SLC25A17: variants seen among roughly 807,000 people sequenced by gnomAD.
The protein encoded by SLC25A17 is solute carrier family 25 member 17.
In SLC25A17, 26 loss-of-function variants were observed where a neutral mutation model predicts 38.5. That is an observed-to-expected ratio of 0.68 (90% confidence interval 0.50 to 0.94). SLC25A17 has a LOEUF of 0.94. Among genes scored for constraint, SLC25A17 ranks in the 40% least tolerant of loss-of-function variants. The pLI is 0.00. For synonymous variants in SLC25A17, 139 were observed against 136.2 expected (o/e 1.02, Z -0.14); for missense variants, 333 against 372.7 (o/e 0.89, Z 0.88).
intron 1 of SLC25A17, among the ~76,000 whole-genome samples, chr22:40,804,435 C>G (rs1392959599): frequency 2.0e-5 from 3 of 152,098 alleles, no homozygotes; most frequent in Non-Finnish European, 4.4e-5. Context: ...GTGATTCTGA[C>G]TGGCATTTCT....
chr22:40,795,419 A>G (rs1368483854), intron 2 of SLC25A17, among the ~76,000 whole-genome samples: 1 of 151,694 alleles, frequency 6.6e-6, no homozygotes, highest in African/African-American at 2.4e-5. Flanking sequence ...CAACCACCGG[A>G]GTAGCTGGGA....
chr22:40,802,340 C>T (rs12158806), intron 1 of SLC25A17, among the ~76,000 whole-genome samples: 6 of 152,066 alleles, frequency 3.9e-5, no homozygotes, highest in African/African-American at 1.4e-4. Flanking sequence ...ACCTCAAGAA[C>T]TGGCATATGA....
rs966320465 is a variant in SLC25A17 at position 40,819,218 on chromosome 22, C to G, written c.31G>C (p.Val11Leu). 5.6e-6 allele frequency: 9 copies of G among 1,613,696 alleles called. No homozygotes were observed. The highest frequency in any genetic ancestry group is 7.6e-6 in the Non-Finnish European group (9 of 1,180,026). ...ACCACGGCTCCGGCCACGGCGTGGACCAGGCTTTCGTAGGACAGCACGGAA... is the reference window on the plus strand; with the variant it reads ...ACCACGGCTCCGGCCACGGCGTGGAGCAGGCTTTCGTAGGACAGCACGGAA... MASVLSYESLVHAVAGAVGSV... is the reference protein window; with the variant it reads MASVLSYESLLHAVAGAVGSV... The change falls in exon 1 of 9, where the codon GTC becomes CTC. Residue 11 changes from valine (V) to leucine (L), a missense_variant. Val to Leu is a conservative substitution (Grantham distance 32). Transcript: ENST00000435456.
Position 40,799,092 on chromosome 22 carries a change from T to G in SLC25A17, c.55-9A>C. On this transcript the variant is annotated splice_polypyrimidine_tract_variant and intron_variant, in intron 1 of 8. Transcript: ENST00000435456. The stretch of plus-strand genomic sequence containing the variant: ...ATTGCTGTCACGCTTCCCTGAAAAG[T>G]TTGAAAAAGGCCATTACAGCATCAC... 1 of 1,612,236 alleles carries G rather than the reference T, an allele frequency of 6.2e-7. No individual in the cohort carries two copies. The highest frequency in any genetic ancestry group is 8.5e-7 in the Non-Finnish European group (1 of 1,178,680).
intron 2 of SLC25A17, chr22:40,797,207 C>T: frequency 1.5e-6 from 1 of 676,712 alleles, no homozygotes; most frequent in South Asian, 1.5e-5. Context: ...ATTATTTATC[C>T]AAAAACTATA....
At chr22:40,814,527 T>G (rs901783764) in intron 1 of SLC25A17, among the ~76,000 whole-genome samples, 5 of 123,040 alleles carry the variant, frequency 4.1e-5, no homozygotes, top group African/African-American at 1.4e-4. Flanking sequence ...GAATGAGAAG[T>G]ACTAATAAAA....
At chr22:40,800,979 C>G (rs903547358) in intron 1 of SLC25A17, among the ~76,000 whole-genome samples, 3 of 150,622 alleles carry the variant, frequency 2.0e-5, no homozygotes, top group Non-Finnish European at 4.4e-5. Context: ...TGGCACATGC[C>G]TGTAATCCCA....
Position 40,792,694 on chromosome 22 carries a change from TAAGCA to T in SLC25A17, c.183-23_183-19del. 6.2e-7 allele frequency: 1 copy of T among 1,612,998 alleles called. No individual in the cohort carries two copies. The highest frequency in any genetic ancestry group is 8.5e-7 in the Non-Finnish European group (1 of 1,179,562). On this transcript the variant is annotated intron_variant, in intron 3 of 8. Transcript: ENST00000435456. ...GTGCCAGGCTAGGGGAAAAACACAATAAGCAAAGTAAAGGTCATGGACAAATTAGA... is the reference window on the plus strand; with the variant it reads ...GTGCCAGGCTAGGGGAAAAACACAATAAGTAAAGGTCATGGACAAATTAGA...
At chr22:40,784,579 C>A (rs1238318725) in intron 4 of SLC25A17, 2 of 263,044 alleles carry the variant, frequency 7.6e-6, no homozygotes, top group South Asian at 3.5e-5. Context: ...TTGAAACCAG[C>A]CTGGGCAACA....
At chr22:40,805,106 C>T (rs2057518366) in intron 1 of SLC25A17, among the ~76,000 whole-genome samples, 1 of 152,212 alleles carries the variant, frequency 6.6e-6, no homozygotes, top group Non-Finnish European at 1.5e-5. Flanking sequence ...GAGGCCAAGG[C>T]AGTAGATCAC....
intron 8 of SLC25A17, among the ~76,000 whole-genome samples, chr22:40,772,572 G>A (rs2057195121): frequency 6.6e-6 from 1 of 151,942 alleles, no homozygotes; most frequent in Admixed American, 6.6e-5. Flanking sequence ...TAAAGTGCTG[G>A]GATTATAGGT....
At chr22:40,803,825 T>TG (rs2057505197) in intron 1 of SLC25A17, among the ~76,000 whole-genome samples, 1 of 151,868 alleles carries the variant, frequency 6.6e-6, no homozygotes, top group Admixed American at 6.6e-5. Flanking sequence ...TTTTTGTTTT[T>TG]TTTTTTTTTT....
intron 2 of SLC25A17, 112 bp downstream of exon 2, chr22:40,798,911 C>G: frequency 1.4e-6 from 1 of 709,728 alleles, no homozygotes; most frequent in East Asian, 3.0e-5. Context: ...CCATCGCACT[C>G]CAGCCTGGGC....
intron 3 of SLC25A17, among the ~76,000 whole-genome samples, chr22:40,794,188 C>T (rs2057407468): frequency 6.6e-6 from 1 of 152,112 alleles, no homozygotes; most frequent in Non-Finnish European, 1.5e-5. Context: ...TGTCTTAATG[C>T]ACCTGACAGG....
chr22:40,810,989 C>T (rs185326173), intron 1 of SLC25A17, among the ~76,000 whole-genome samples: 15 of 151,848 alleles, frequency 9.9e-5, no homozygotes, highest in African/African-American at 3.6e-4. Context: ...TGCAGTGGCA[C>T]AATCTCAGCT....
chr22:40,781,337 C>A (rs951843382), intron 4 of SLC25A17, among the ~76,000 whole-genome samples: 36 of 152,084 alleles, frequency 2.4e-4, no homozygotes, highest in South Asian at 6.2e-4. Flanking sequence ...GCTCCGCCTC[C>A]CCGGCTCACA....
intron 1 of SLC25A17, among the ~76,000 whole-genome samples, chr22:40,804,724 T>A (rs1392519186): frequency 2.6e-5 from 4 of 152,166 alleles, no homozygotes; most frequent in Non-Finnish European, 5.9e-5. Flanking sequence ...AGTGTTTTAT[T>A]GAGTGTGTGA....
chr22:40,775,533 G>A (rs1168704618), intron 7 of SLC25A17, among the ~76,000 whole-genome samples: 4 of 138,456 alleles, frequency 2.9e-5, no homozygotes, highest in Admixed American at 8.1e-5. Flanking sequence ...GCGCAATCTC[G>A]GCTCACTGCA....
chr22:40,816,325 T>C (rs2057639325), intron 1 of SLC25A17, among the ~76,000 whole-genome samples: 1 of 152,158 alleles, frequency 6.6e-6, no homozygotes, highest in South Asian at 2.1e-4. Flanking sequence ...ACTCTCTCTA[T>C]AGCAGGAGTC....
Sources: allele counts gnomAD v4.1 joint callset (sites outside exome capture counted in the v4.1 genomes callset), GRCh38; gene constraint gnomAD v4.1.1; transcripts MANE v1.5; gene names NCBI Gene and HGNC (gene_info 2026-07-23, HGNC 2026-07-21).